The following KCNH3 variants were observed in gnomAD, a reference collection of about 807,000 sequenced individuals.
The protein encoded by KCNH3 is voltage-gated inwardly rectifying potassium channel KCNH3.
KCNH3 carries 36 observed loss-of-function variants against 95.6 expected under a neutral mutation model. The ratio of observed to expected loss-of-function variants is 0.38; its 90% CI spans 0.29 to 0.50. The LOEUF (loss-of-function observed/expected upper bound fraction) is 0.50, where lower values mean the gene tolerates loss of function less well. KCNH3 is among the 20% of genes least tolerant of loss of function. The pLI, the probability that KCNH3 is intolerant of heterozygous loss-of-function variation, is 0.95. For synonymous variants in KCNH3, 620 were observed against 646.3 expected, an observed-to-expected ratio of 0.96 and a Z score of 0.62; for missense variants, 1,030 against 1,484.1, an observed-to-expected ratio of 0.69 and a Z score of 5.03.
At chr12:49,551,391 C>A (rs561840920) in intron 10 of KCNH3, among the ~76,000 whole-genome samples, 5 of 151,992 alleles carry the variant, frequency 3.3e-5, no homozygotes, top group African/African-American at 1.2e-4. Context: ...GCCTGGCCAA[C>A]GTGGTGAAAT....
intron 10 of KCNH3, among the ~76,000 whole-genome samples, chr12:49,553,829 A>G (rs1938342167): frequency 6.6e-6 from 1 of 152,210 alleles, no homozygotes; most frequent in South Asian, 2.1e-4. Flanking sequence ...CATTTTCCCT[A>G]TGCCACACAG....
chr12:49,555,558 G>C, intron 11 of KCNH3, 62 bp from the exon 12 acceptor site: 1 of 1,047,450 alleles, frequency 9.5e-7, no homozygotes, highest in Non-Finnish European at 1.4e-6. Context: ...CCTTGGTAGG[G>C]GAGGTGAGTG....
At chr12:49,543,567 G>C in intron 5 of KCNH3, 49 bp downstream of exon 5, 1 of 1,570,916 alleles carries the variant, frequency 6.4e-7, no homozygotes, top group East Asian at 2.3e-5. Flanking sequence ...GCGCCCTGGG[G>C]CTTTGCTGGG....
chr12:49,557,355 T>C lies in KCNH3; in HGVS notation c.2654T>C (p.Val885Ala). ...TDTLDKLRQA[V>A]TELSEQVLQM... ...CCTCGCCTCCTCCCTCCCCCAAAGGTGACAGAGCTGTCAGAGCAGGTGCTG... is the reference window on the plus strand; with the variant it reads ...CCTCGCCTCCTCCCTCCCCCAAAGGCGACAGAGCTGTCAGAGCAGGTGCTG... The change falls in exon 15 of 15, where the codon GTG becomes GCG. Residue 885 changes from valine to alanine, a missense_variant and splice_region_variant. Physicochemically the swap from Val to Ala is moderately conservative, Grantham distance 64 (BLOSUM62 0). Around this residue, in one of 9 missense-constraint regions of KCNH3, gnomAD observed 464 missense variants for 493.2 expected, o/e 0.94. Transcript: ENST00000257981. 6.2e-7 allele frequency: 1 copy of C among 1,607,634 alleles called. No homozygotes were observed. The highest frequency in any genetic ancestry group is 8.5e-7 in the Non-Finnish European group (1 of 1,175,468).
In KCNH3 at chr12:49,542,968, G is replaced by A. The variant is rs532091578; in HGVS notation, c.579+129G>A. On this transcript the variant is annotated intron_variant, in intron 4 of 14. Coordinates refer to ENST00000257981, the MANE Select transcript of KCNH3 (RefSeq NM_012284.3). ...GGCCTTGCCAGCACTTTGGGGGTTG[G>A]GACTGAAGGAGGGAAGATCACATGC... 2.2e-5 allele frequency: 28 copies of A among 1,247,360 alleles called. 1 individual carries two copies. In the South Asian group the frequency reaches 4.2e-4, roughly 19 times the overall value. 77.3% of individuals were successfully genotyped at this position (1,247,360 alleles called of 1,614,324 possible). A position where few individuals can be genotyped will look rare whatever the true frequency, so the allele number is the denominator to read the frequency against.
Position 49,550,251 on chromosome 12 carries a change from G to A in KCNH3, c.1840G>A (p.Asp614Asn). Reference protein sequence around the residue: ...TPGEYLIHQGDALQALYFVCS... With the variant: ...TPGEYLIHQGNALQALYFVCS... ...GGGCGAGTACCTCATCCACCAAGGC[G>A]ATGCCCTGCAGGCCCTCTACTTTGT... Residue 614 changes from aspartate to asparagine, a missense_variant, in exon 10 of 15, where the codon GAT becomes AAT. This residue lies in a region of KCNH3 where 160 missense variants were observed against 316.2 expected (regional missense o/e 0.51). Coordinates refer to ENST00000257981, the MANE Select transcript of KCNH3 (RefSeq NM_012284.3). 6.2e-7 allele frequency: 1 copy of A among 1,610,036 alleles called. No homozygotes were observed. Among genetic ancestry groups the A allele is most frequent in the Non-Finnish European group, 8.5e-7 (1 of 1,179,974 alleles).
At position 49,544,201 on chromosome 12, in the gene KCNH3, G is replaced by C. The variant is rs147239279; in HGVS notation, c.1008G>C (p.Thr336=). Residue 336 remains threonine, a synonymous_variant, in exon 7 of 15, where the codon ACG becomes ACC. Coordinates refer to ENST00000257981, the MANE Select transcript of KCNH3 (RefSeq NM_012284.3). ...NVYFGAHLLK[T]VRLLRLLRLL... is the part of the protein sequence containing the mutation. ...ACTTCGGGGCCCATCTGCTGAAGACGGTGCGCCTGCTGCGCCTGCTGCGCC... is the reference window on the plus strand; with the variant it reads ...ACTTCGGGGCCCATCTGCTGAAGACCGTGCGCCTGCTGCGCCTGCTGCGCC... 3 of 1,449,982 alleles carry C rather than the reference G, an allele frequency of 2.1e-6. No homozygotes were observed. The highest frequency in any genetic ancestry group is 2.8e-6 in the Non-Finnish European group (3 of 1,082,566). 89.8% of individuals were successfully genotyped at this position (1,449,982 alleles called of 1,614,324 possible). A position where few individuals can be genotyped will look rare whatever the true frequency, so the allele number is the denominator to read the frequency against.
rs1220749194 is a variant in KCNH3 at position 49,543,266 on chromosome 12, C to T, written c.580-9C>T. Reference sequence around the variant, plus strand: ...TCCTCTCTGCCTGGACCTGCCCTGCCTCACTCAGGGGGTGTTTGGGGAGAA... The same window carrying T: ...TCCTCTCTGCCTGGACCTGCCCTGCTTCACTCAGGGGGTGTTTGGGGAGAA... On this transcript the variant is annotated splice_polypyrimidine_tract_variant and intron_variant, in intron 4 of 14. Transcript: ENST00000257981. 6.2e-7 allele frequency: 1 copy of T among 1,612,994 alleles called. No homozygotes were observed. Among genetic ancestry groups the T allele is most frequent in the Non-Finnish European group, 8.5e-7 (1 of 1,179,852 alleles).
Position 49,540,991 on chromosome 12 carries a change from C to A in KCNH3, c.169C>A (p.Arg57=), listed in dbSNP as rs767884315. Residue 57 remains arginine (R), a synonymous_variant, in exon 2 of 15, where the codon CGG becomes AGG. Transcript: ENST00000257981. Reference sequence around the variant, plus strand: ...CTTCTGTGACCTCACGGGCTTCTCCCGGGCTGAGGTCATGCAGCGGGGCTG... The same window carrying A: ...CTTCTGTGACCTCACGGGCTTCTCCAGGGCTGAGGTCATGCAGCGGGGCTG... ...DGFCDLTGFS[R]AEVMQRGCAC... 1 of 1,614,154 alleles carries A rather than the reference C, an allele frequency of 6.2e-7. No homozygotes were observed. Among genetic ancestry groups the A allele is most frequent in the Admixed American group, 1.7e-5 (1 of 60,032 alleles).
At chr12:49,555,574 C>T (rs1293908832) in intron 11 of KCNH3, 46 bp from the exon 12 acceptor site, 2 of 1,307,028 alleles carry the variant, frequency 1.5e-6, no homozygotes, top group Non-Finnish European at 2.1e-6. Context: ...GAGTGGGACA[C>T]AATAGTGACC....
At position 49,539,756 on chromosome 12, in the gene KCNH3, CG is replaced by C. The variant is rs1937806981; in HGVS notation, c.76+267del. Among the ~76,000 whole-genome samples, 1 of 152,170 alleles carries C rather than the reference CG, an allele frequency of 6.6e-6. No homozygotes were observed. The highest frequency in any genetic ancestry group is 1.5e-5 in the Non-Finnish European group (1 of 68,032). Reference sequence around the variant, plus strand: ...GGGTCCTGGGATGCTCTCTGTTAGCCGGGTCTCGAACCCGAACCTAGTCAGT... The same window carrying C: ...GGGTCCTGGGATGCTCTCTGTTAGCCGGTCTCGAACCCGAACCTAGTCAGT... On this transcript the variant is annotated intron_variant, in intron 1 of 14. Coordinates refer to ENST00000257981, the MANE Select transcript of KCNH3 (RefSeq NM_012284.3). The surrounding 1 kb of genome is among the most constrained non-coding windows in gnomAD (Gnocchi z 6.7).
intron 13 of KCNH3, among the ~76,000 whole-genome samples, chr12:49,556,925 G>A (rs1476956113): frequency 6.6e-6 from 1 of 152,206 alleles, no homozygotes; most frequent in Non-Finnish European, 1.5e-5. Flanking sequence ...GGAGGACAGA[G>A]CAAGGGACAG....
intron 10 of KCNH3, among the ~76,000 whole-genome samples, chr12:49,553,496 G>T (rs747897567): frequency 1.4e-4 from 21 of 152,264 alleles, no homozygotes; most frequent in Non-Finnish European, 2.9e-4. Flanking sequence ...CTTTTTGGTC[G>T]TCTTTGTGTG....
chr12:49,543,667 C>G, intron 5 of KCNH3, 149 bp downstream of exon 5: 1 of 1,171,274 alleles, frequency 8.5e-7, no homozygotes, highest in Non-Finnish European at 1.2e-6. Context: ...ACCTAGGTTC[C>G]AAACATCTGC....
At chr12:49,553,755 A>C (rs1360764459) in intron 10 of KCNH3, among the ~76,000 whole-genome samples, 1 of 152,226 alleles carries the variant, frequency 6.6e-6, no homozygotes. Context: ...AGACTCAGTT[A>C]AATGCAGCAT....
intron 13 of KCNH3, 114 bp from the exon 14 acceptor site, chr12:49,557,069 T>C (rs994843901): frequency 2.9e-6 from 3 of 1,025,966 alleles, no homozygotes; most frequent in Non-Finnish European, 4.5e-6. Context: ...GAGATGATCC[T>C]AGGAGTCAGG....
Position 49,558,032 on chromosome 12 carries a change from G to T in KCNH3, c.*79G>T. 1.4e-6 allele frequency: 2 copies of T among 1,401,572 alleles called. No homozygotes were observed. The highest frequency in any genetic ancestry group is 2.6e-5 in the Admixed American group (1 of 38,802). 86.8% of individuals were successfully genotyped at this position (1,401,572 alleles called of 1,614,324 possible). A position where few individuals can be genotyped will look rare whatever the true frequency, so the allele number is the denominator to read the frequency against. On this transcript the variant is annotated 3_prime_UTR_variant, in exon 15 of 15. Transcript: ENST00000257981. ...CCAACCTCAGAGTGAAGGCAGGGTG[G>T]CAGCCTCCCCACGGACTCCATGCGG...
chr12:49,540,307 C>G (rs1002710540), intron 1 of KCNH3, among the ~76,000 whole-genome samples: 13 of 152,208 alleles, frequency 8.5e-5, no homozygotes, highest in Non-Finnish European at 4.4e-5. Flanking sequence ...TTCAGTGCCC[C>G]CCACTCCCCA....
At chr12:49,550,008 A>T in intron 9 of KCNH3, 72 bp from the exon 10 acceptor site, 1 of 1,465,594 alleles carries the variant, frequency 6.8e-7, no homozygotes, top group Non-Finnish European at 9.1e-7. Context: ...CAGGGTGGAG[A>T]GGGGCTGGCT....
Sources: gnomAD v4.1 joint callset for allele counts (sites outside exome capture counted in the v4.1 genomes callset) on GRCh38, gnomAD v4.1.1 for gene constraint, gnomAD v4.1.1 regional missense constraint, Gnocchi (gnomAD v3.1) non-coding constraint, MANE v1.5 for transcripts, NCBI Gene and HGNC (gene_info 2026-07-23, HGNC 2026-07-21) for gene names.